Variants in CNTN5 observed in about 807,000 individuals in gnomAD.
CNTN5 encodes contactin 5.
Under a neutral mutation model 129.1 loss-of-function variants are expected in CNTN5, and 77 were observed. The ratio of observed to expected loss-of-function variants is 0.60; its 90% confidence interval spans 0.50 to 0.72. The LOEUF (loss-of-function observed/expected upper bound fraction) is 0.72, where lower values mean the gene tolerates loss of function less well. CNTN5 is among the 30% of genes least tolerant of loss of function. The probability of loss-of-function intolerance (pLI) is 0.00; values close to 1 mark genes in which losing one functional copy is unlikely to be tolerated. For missense variants in CNTN5, 1,478 were observed against 1,328.8 expected (o/e 1.11, Z -1.75); for synonymous variants, 509 against 465.6 (o/e 1.09, Z -1.20).
intron 3 of CNTN5, among the ~76,000 whole-genome samples, chr11:99,789,218 C>G (rs1295807754): frequency 6.6e-6 from 1 of 151,880 alleles, no homozygotes; most frequent in East Asian, 1.9e-4. Flanking sequence ...AATTTGTAGA[C>G]TTCCCATTTT....
intron 3 of CNTN5, among the ~76,000 whole-genome samples, chr11:99,583,601 C>T (rs1054249809): frequency 9.2e-5 from 14 of 152,292 alleles, no homozygotes; most frequent in African/African-American, 2.2e-4. Flanking sequence ...AGCGAGGCTC[C>T]GTGGGTGTAG....
intron 13 of CNTN5, among the ~76,000 whole-genome samples, chr11:100,170,104 T>C (rs1166300940): frequency 6.6e-6 from 1 of 151,994 alleles, no homozygotes; most frequent in Admixed American, 6.6e-5. Flanking sequence ...CTAATATGTT[T>C]AATGTTAAAT....
intron 1 of CNTN5, among the ~76,000 whole-genome samples, chr11:99,261,974 C>T (rs892011685): frequency 3.3e-5 from 5 of 152,094 alleles, no homozygotes; most frequent in Admixed American, 3.3e-4. Context: ...AAGGATATTC[C>T]TTAGCCTAAA....
At chr11:99,366,796 C>T (rs914735419) in intron 2 of CNTN5, among the ~76,000 whole-genome samples, 1 of 152,088 alleles carries the variant, frequency 6.6e-6, no homozygotes, top group East Asian at 1.9e-4. Context: ...CAAAATATCT[C>T]GCCAGAGGAG....
At chr11:100,117,329 T>C (rs1402347104) in intron 13 of CNTN5, among the ~76,000 whole-genome samples, 1 of 152,072 alleles carries the variant, frequency 6.6e-6, no homozygotes, top group East Asian at 1.9e-4. Context: ...TTTCAGTCCC[T>C]GTCTTGCAAA....
chr11:99,744,571 A>G (rs973811495), intron 3 of CNTN5, among the ~76,000 whole-genome samples: 1 of 140,672 alleles, frequency 7.1e-6, no homozygotes, highest in Non-Finnish European at 1.5e-5. Flanking sequence ...AAAAAAAAAA[A>G]AAGCTGGGTG....
chr11:99,967,155 A>C (rs1050547113), intron 8 of CNTN5, among the ~76,000 whole-genome samples: 1 of 152,176 alleles, frequency 6.6e-6, no homozygotes, highest in Non-Finnish European at 1.5e-5. Flanking sequence ...GACTATAATA[A>C]AATTGCACTT....
At chr11:99,140,196 G>A (rs1279069736) in intron 1 of CNTN5, among the ~76,000 whole-genome samples, 1 of 152,052 alleles carries the variant, frequency 6.6e-6, no homozygotes, top group East Asian at 1.9e-4. Context: ...ATTATTTTTA[G>A]TGTAATATCT....
chr11:99,555,099 T>C (rs2135534035), intron 2 of CNTN5, among the ~76,000 whole-genome samples: 1 of 152,158 alleles, frequency 6.6e-6, no homozygotes, highest in Admixed American at 6.6e-5. Flanking sequence ...GTAGAGGTAC[T>C]AACAATAAAT....
chr11:100,347,375 C>T (rs1565443690), intron 23 of CNTN5, among the ~76,000 whole-genome samples: 1 of 152,066 alleles, frequency 6.6e-6, no homozygotes, highest in Non-Finnish European at 1.5e-5. Flanking sequence ...ACTCAGCCTT[C>T]TTTTCTCTGT....
At chr11:100,229,689 G>C (rs182997910) in intron 16 of CNTN5, among the ~76,000 whole-genome samples, 1 of 152,326 alleles carries the variant, frequency 6.6e-6, no homozygotes, top group East Asian at 1.9e-4. Flanking sequence ...AGTTAAAGCA[G>C]TATTAATGTG....
chr11:99,254,794 T>C (rs947863526), intron 1 of CNTN5, among the ~76,000 whole-genome samples: 2 of 152,008 alleles, frequency 1.3e-5, no homozygotes, highest in African/African-American at 4.8e-5. Context: ...ATTGACATCA[T>C]AAATTTTTCT....
chr11:99,283,321 C>G (rs1287117931), intron 1 of CNTN5, among the ~76,000 whole-genome samples: 5 of 151,984 alleles, frequency 3.3e-5, no homozygotes, highest in Non-Finnish European at 7.4e-5. Context: ...AGCACTTTTT[C>G]GCTAAAAATT....
At chr11:99,931,009 CAAATT>C (rs926273442) in intron 7 of CNTN5, among the ~76,000 whole-genome samples, 4 of 152,176 alleles carry the variant, frequency 2.6e-5, no homozygotes, top group East Asian at 1.9e-4. Flanking sequence ...TATATACTCT[CAAATT>C]AATCAGAAAA....
intron 7 of CNTN5, among the ~76,000 whole-genome samples, chr11:99,928,891 C>T (rs1160737724): frequency 6.6e-6 from 1 of 152,182 alleles, no homozygotes; most frequent in African/African-American, 2.4e-5. Flanking sequence ...CTTCTATGCT[C>T]TGTTTCCCTT....
intron 1 of CNTN5, among the ~76,000 whole-genome samples, chr11:99,269,211 C>T (rs556165254): frequency 1.3e-5 from 2 of 151,778 alleles, no homozygotes; most frequent in Admixed American, 1.3e-4. Context: ...TTTGTTAAAT[C>T]CTTTTCTGTC....
At chr11:99,972,121 C>T (rs1234514860) in intron 8 of CNTN5, among the ~76,000 whole-genome samples, 2 of 137,540 alleles carry the variant, frequency 1.5e-5, no homozygotes, top group Non-Finnish European at 3.1e-5. Flanking sequence ...ATTAGCCGGG[C>T]GTGGTGGCGG....
At chr11:99,910,988 T>C (rs1949644170) in intron 6 of CNTN5, among the ~76,000 whole-genome samples, 1 of 152,044 alleles carries the variant, frequency 6.6e-6, no homozygotes, top group African/African-American at 2.4e-5. Context: ...ATTACAAAAC[T>C]TGTCCGTTGT....
chr11:100,328,989 G>A (rs962940579), intron 21 of CNTN5, among the ~76,000 whole-genome samples: 4 of 152,104 alleles, frequency 2.6e-5, no homozygotes, highest in South Asian at 4.1e-4. Context: ...AAACTGAGTC[G>A]GCTTGGTTTT....
Sources: allele counts gnomAD v4.1 joint callset (sites outside exome capture counted in the v4.1 genomes callset), GRCh38; gene constraint gnomAD v4.1.1; transcripts MANE v1.5; gene names NCBI Gene and HGNC (gene_info 2026-07-23, HGNC 2026-07-21).